Variants in CAPN13 observed in about 807,000 individuals in gnomAD.
The protein encoded by CAPN13 is calpain 13.
In CAPN13, 90 loss-of-function variants were observed where a neutral mutation model predicts 98.4. The observed-to-expected ratio is 0.92, with a 90% CI of 0.77 to 1.09. The LOEUF (loss-of-function observed/expected upper bound fraction) is 1.09, where lower values mean the gene tolerates loss of function less well. CAPN13 is among the 50% of genes least tolerant of loss of function. CAPN13 has a pLI of 0.00. For synonymous variants in CAPN13, 330 were observed against 305.5 expected (o/e 1.08, Z -0.84); for missense variants, 887 against 841.3 (o/e 1.05, Z -0.67).
chr2:30,752,986 C>T (rs1572818245), intron 10 of CAPN13, 67 bp downstream of exon 10: 1 of 1,558,792 alleles, frequency 6.4e-7, no homozygotes, highest in South Asian at 1.1e-5. Flanking sequence ...GAGCTGAAGC[C>T]ATGCAAGGGC....
At chr2:30,793,677 C>A (rs1451403447) in intron 1 of CAPN13, among the ~76,000 whole-genome samples, 2 of 151,708 alleles carry the variant, frequency 1.3e-5, no homozygotes, top group African/African-American at 4.8e-5. Context: ...AGGACTTACC[C>A]AACCTGACTT....
chr2:30,758,810 TC>T (rs199722207), intron 7 of CAPN13, among the ~76,000 whole-genome samples: 1,559 of 34,386 alleles, frequency 0.045, 45 homozygotes, highest in African/African-American at 0.13. Context: ...CTCCCTCCCT[TC>T]CCTTCCTCCC....
At chr2:30,746,235 T>C (rs747663397) in intron 11 of CAPN13, among the ~76,000 whole-genome samples, 5 of 152,180 alleles carry the variant, frequency 3.3e-5, no homozygotes, top group Non-Finnish European at 7.3e-5. Flanking sequence ...TATCACTGTC[T>C]AACAAGATGA....
chr2:30,760,042 G>A (rs1187110587), intron 7 of CAPN13, among the ~76,000 whole-genome samples: 2 of 152,094 alleles, frequency 1.3e-5, no homozygotes, highest in African/African-American at 4.8e-5. Flanking sequence ...ACCCCTGTCT[G>A]CCCTACCCTA....
chr2:30,736,405 C>T (rs1243330884), intron 18 of CAPN13, 98 bp downstream of exon 18: 3 of 1,226,334 alleles, frequency 2.4e-6, no homozygotes, highest in African/African-American at 3.0e-5. Context: ...AGTTCCTCTT[C>T]TTTCATACCC....
intron 10 of CAPN13, among the ~76,000 whole-genome samples, 163 bp downstream of exon 10, chr2:30,752,890 T>C (rs1357790852): frequency 6.6e-6 from 1 of 152,188 alleles, no homozygotes; most frequent in Non-Finnish European, 1.5e-5. Context: ...ATCATTTTAC[T>C]TAGAGGAGCA....
intron 18 of CAPN13, among the ~76,000 whole-genome samples, chr2:30,734,882 G>T (rs1671280888): frequency 6.6e-6 from 1 of 152,192 alleles, no homozygotes; most frequent in South Asian, 2.1e-4. Flanking sequence ...TTAAATCGTG[G>T]ACTATTTACC....
In CAPN13 at chr2:30,751,299, T is replaced by C. The variant is rs775518414; in HGVS notation, c.1088-48A>G. The C allele has an allele frequency of 7.0e-5, 113 of 1,603,868 alleles. 1 individual carries two copies. In the Admixed American group the frequency reaches 1.9e-3, roughly 27 times the overall value. ...TAGAGCTCAGCTCCACTCCTGGGACTCCTGGGCAGGGCCATGTCCAGTGCA... is the reference window on the plus strand; with the variant it reads ...TAGAGCTCAGCTCCACTCCTGGGACCCCTGGGCAGGGCCATGTCCAGTGCA... On this transcript the variant is annotated intron_variant, in intron 10 of 22. Transcript: ENST00000295055.
intron 2 of CAPN13, among the ~76,000 whole-genome samples, chr2:30,779,750 G>A (rs1673893787): frequency 6.6e-6 from 1 of 152,076 alleles, no homozygotes; most frequent in Non-Finnish European, 1.5e-5. Flanking sequence ...ATAGGAGGAA[G>A]AACTGAAAAG....
At chr2:30,783,482 T>C (rs1488277823) in intron 2 of CAPN13, among the ~76,000 whole-genome samples, 1 of 152,020 alleles carries the variant, frequency 6.6e-6, no homozygotes, top group Non-Finnish European at 1.5e-5. Context: ...GTTTAGATTA[T>C]TGGATTAATT....
intron 12 of CAPN13, chr2:30,743,865 T>C (rs927153767): frequency 1.2e-4 from 67 of 544,652 alleles, no homozygotes; most frequent in Middle Eastern, 4.8e-4. Flanking sequence ...TCCCTGCTTA[T>C]ATAGAGAGAA....
At chr2:30,738,618 T>G (rs1671498262) in intron 15 of CAPN13, among the ~76,000 whole-genome samples, 161 bp from the exon 16 acceptor site, 1 of 152,192 alleles carries the variant, frequency 6.6e-6, no homozygotes, top group African/African-American at 2.4e-5. Context: ...CTGCCAGCCA[T>G]AGTAGTGACT....
intron 9 of CAPN13, 111 bp downstream of exon 9, chr2:30,754,179 G>A (rs764012039): frequency 3.7e-6 from 3 of 802,874 alleles, no homozygotes; most frequent in Non-Finnish European, 5.5e-6. Flanking sequence ...CCTCTAAACA[G>A]GTCTCTGCAA....
chr2:30,756,256 G>C (rs1028485526), intron 8 of CAPN13, among the ~76,000 whole-genome samples: 1 of 152,130 alleles, frequency 6.6e-6, no homozygotes, highest in Non-Finnish European at 1.5e-5. Context: ...AGTTTCCTCT[G>C]CCTCAGGCCG....
At position 30,792,609 on chromosome 2, in the gene CAPN13, T is replaced by C. The variant is rs917514096; in HGVS notation, c.-32-5252A>G. Among the ~76,000 whole-genome samples the C allele has an allele frequency of 2.0e-5, 3 of 152,110 alleles. No homozygotes were observed. In the South Asian group the frequency reaches 6.2e-4, roughly 31 times the overall value. Reference sequence around the variant, plus strand: ...AACCCCTAGGCTCAGATAGTTTCACTAGTGAATTCTATTACACCTTCAAGG... The same window carrying C: ...AACCCCTAGGCTCAGATAGTTTCACCAGTGAATTCTATTACACCTTCAAGG... On this transcript the variant is annotated intron_variant, in intron 1 of 22. Transcript: ENST00000295055.
intron 1 of CAPN13, among the ~76,000 whole-genome samples, chr2:30,791,676 G>C (rs2148085204): frequency 6.6e-6 from 1 of 152,306 alleles, no homozygotes; most frequent in East Asian, 1.9e-4. Flanking sequence ...TAAGAGTTAA[G>C]TGACTTCAGA....
chr2:30,741,796 C>T, intron 15 of CAPN13, 112 bp downstream of exon 15: 2 of 1,562,892 alleles, frequency 1.3e-6, no homozygotes, highest in Non-Finnish European at 1.7e-6. Context: ...TAAAATAGTC[C>T]ATCAAGTCAC....
intron 22 of CAPN13, among the ~76,000 whole-genome samples, chr2:30,729,131 A>G (rs572908921): frequency 3.0e-4 from 45 of 152,214 alleles, no homozygotes; most frequent in Non-Finnish European, 5.7e-4. Context: ...GGAGATAGTT[A>G]CAGAGGAAGG....
chr2:30,743,680 C>G (rs981250570), intron 12 of CAPN13, 101 bp from the exon 13 acceptor site: 7 of 998,258 alleles, frequency 7.0e-6, no homozygotes, highest in African/African-American at 4.8e-5. Context: ...TCTCCATTCA[C>G]CAAGATAACA....
Sources: gnomAD v4.1 joint callset for allele counts (sites outside exome capture counted in the v4.1 genomes callset) on GRCh38, gnomAD v4.1.1 for gene constraint, MANE v1.5 for transcripts, NCBI Gene and HGNC (gene_info 2026-07-23, HGNC 2026-07-21) for gene names.